Variants in GDAP2 observed in about 807,000 individuals in gnomAD.
The protein encoded by GDAP2 is ganglioside induced differentiation associated protein 2, also known as ganglioside-induced differentiation-associated protein 2.
A neutral mutation model predicts 67.0 loss-of-function variants in GDAP2; 51 were observed. The observed-to-expected ratio is 0.76, with a 90% CI of 0.61 to 0.96. The LOEUF is 0.96. Ranked by LOEUF, GDAP2 falls within the 40% of genes least tolerant of loss-of-function variation. GDAP2 has a pLI of 0.00. For missense variants in GDAP2, 547 were observed against 588.3 expected (o/e 0.93, Z 0.73); for synonymous variants, 203 against 207.3 (o/e 0.98, Z 0.18).
At position 117,886,558 on chromosome 1, in the gene GDAP2, G is replaced by C. The variant is rs1262889777; in HGVS notation, c.1107+19C>G. ...TTCAATCAACATTGTTTGTAAAACA[G>C]AGCCTTTTTATGGCTTACCTTGTCC... On this transcript the variant is annotated intron_variant, in intron 10 of 13. Coordinates refer to ENST00000369443, the MANE Select transcript of GDAP2 (RefSeq NM_017686.4). 1 of 1,273,368 alleles carries C rather than the reference G, an allele frequency of 7.9e-7. No individual in the cohort carries two copies. The highest frequency in any genetic ancestry group is 1.7e-5 in the Admixed American group (1 of 58,690). The allele number at this position is 1,273,368 out of a possible 1,614,324, so 78.9% of individuals were successfully genotyped here. A position where few individuals can be genotyped will look rare whatever the true frequency, so the allele number is the denominator to read the frequency against.
chr1:117,890,003 G>A (rs1484501352), intron 8 of GDAP2, among the ~76,000 whole-genome samples: 2 of 152,100 alleles, frequency 1.3e-5, no homozygotes, highest in East Asian at 1.9e-4. Context: ...TGAGTATTAT[G>A]TAAGGTATTT....
rs1372964691 is a variant in GDAP2, at chr1:117,868,938, TAA to T, written c.*1629_*1630del. The T allele has an allele frequency of 3.9e-5, 6 of 152,140 alleles. No homozygotes were observed. The allele number at this position is 152,140 out of a possible 1,614,324, so 9.4% of individuals were successfully genotyped here. ...GATAAGAACCTTTATCTAAAAAATG[TAA>T]AGTCTCTTCTTGTTTATATGGGAAA... is the stretch of plus-strand genomic sequence containing the variant. On this transcript the variant is annotated 3_prime_UTR_variant, in exon 14 of 14. Coordinates refer to ENST00000369443, the MANE Select transcript of GDAP2 (RefSeq NM_017686.4).
At chr1:117,926,145 G>A (rs1442938771) in intron 1 of GDAP2, among the ~76,000 whole-genome samples, 2 of 151,892 alleles carry the variant, frequency 1.3e-5, no homozygotes, top group Non-Finnish European at 2.9e-5. Context: ...AATTTGTTTT[G>A]TAGCTCTACT....
chr1:117,888,874 C>A (rs987090816), intron 8 of GDAP2, among the ~76,000 whole-genome samples: 5 of 152,058 alleles, frequency 3.3e-5, no homozygotes, highest in Non-Finnish European at 7.4e-5. Flanking sequence ...TACAATTGCA[C>A]AACTGAAAAT....
rs35307065 is a variant in GDAP2, at chr1:117,920,292, T to G, written c.66A>C (p.Ser22=). Residue 22 remains serine (S), a synonymous_variant, in exon 2 of 14, where the codon TCA becomes TCC. Coordinates refer to ENST00000369443, the MANE Select transcript of GDAP2 (RefSeq NM_017686.4). ...CAGAGGAATTTAATTCATCTTGGCA[T>G]GAGTCACCCCAGCTTGGTAGTGTAT... The part of the protein sequence containing the change: ...DVDTLPSWGD[S]CQDELNSSDT... 29 of 1,610,460 alleles carry G rather than the reference T, an allele frequency of 1.8e-5. No individual in the cohort carries two copies. In the Admixed American group the frequency reaches 4.8e-4, roughly 27 times the overall value.
chr1:117,929,248 G>C (rs1035689650), intron 1 of GDAP2, among the ~76,000 whole-genome samples, 200 bp downstream of exon 1: 5 of 152,202 alleles, frequency 3.3e-5, no homozygotes, highest in African/African-American at 1.2e-4. Flanking sequence ...ACTTCTCGTA[G>C]AGACGGCGTC....
intron 10 of GDAP2, 110 bp from the exon 11 acceptor site, chr1:117,883,737 G>T: frequency 1.5e-6 from 1 of 654,142 alleles, no homozygotes. Context: ...CCTACTCTAT[G>T]CCCTAGTCAT....
chr1:117,921,664 C>G (rs1431882691), intron 1 of GDAP2, among the ~76,000 whole-genome samples: 1 of 152,116 alleles, frequency 6.6e-6, no homozygotes, highest in Non-Finnish European at 1.5e-5. Context: ...TGTTTGTAAA[C>G]TATGGTAAGA....
At chr1:117,904,329 A>T (rs147256819) in intron 6 of GDAP2, among the ~76,000 whole-genome samples, 1 of 152,292 alleles carries the variant, frequency 6.6e-6, no homozygotes, top group African/African-American at 2.4e-5. Context: ...TCAGTCATTC[A>T]ACAGGAAGAA....
intron 10 of GDAP2, among the ~76,000 whole-genome samples, chr1:117,884,633 A>G (rs1042240723): frequency 2.0e-5 from 3 of 152,160 alleles, no homozygotes; most frequent in Non-Finnish European, 4.4e-5. Context: ...ACAGGAAATG[A>G]TACATCATGA....
Position 117,920,179 on chromosome 1 carries a change from T to G in GDAP2, c.176+3A>C. 1 of 1,557,886 alleles carries G rather than the reference T, an allele frequency of 6.4e-7. No homozygotes were observed. The highest frequency in any genetic ancestry group is 8.8e-7 in the Non-Finnish European group (1 of 1,134,210). ...TCATGATATGATGTAATCAAAAAAT[T>G]ACCAAAGAACCACTTTTCCATTGAC... On this transcript the variant is annotated splice_donor_region_variant and intron_variant, in intron 2 of 13. Coordinates refer to ENST00000369443, the MANE Select transcript of GDAP2 (RefSeq NM_017686.4).
chr1:117,913,725 G>A (rs1481247475), intron 3 of GDAP2, among the ~76,000 whole-genome samples: 2 of 152,026 alleles, frequency 1.3e-5, no homozygotes, highest in Non-Finnish European at 2.9e-5. Context: ...GACCCACCAG[G>A]CAATAACCGT....
intron 8 of GDAP2, among the ~76,000 whole-genome samples, chr1:117,892,605 C>G (rs1649122939): frequency 6.6e-6 from 1 of 151,944 alleles, no homozygotes; most frequent in Admixed American, 6.6e-5. Context: ...CAAAATATGT[C>G]AAAATGGCAG....
intron 13 of GDAP2, 44 bp downstream of exon 13, chr1:117,877,965 T>TAATATACCATACCAGGTGAGGGAGAA: frequency 6.2e-7 from 1 of 1,610,120 alleles, no homozygotes. Flanking sequence ...ATAGAACAGT[T>TAATATACCATACCAGGTGAGGGAGAA]AATATACCAT....
At chr1:117,911,682 A>G (rs546475716) in intron 5 of GDAP2, among the ~76,000 whole-genome samples, 7 of 152,248 alleles carry the variant, frequency 4.6e-5, no homozygotes, top group African/African-American at 1.7e-4. Context: ...CAACTTGCCA[A>G]TAAAAACTTC....
chr1:117,908,404 C>T (rs2101150500), intron 5 of GDAP2, among the ~76,000 whole-genome samples: 1 of 152,288 alleles, frequency 6.6e-6, no homozygotes, highest in African/African-American at 2.4e-5. Context: ...AAGAACCTAA[C>T]AGAGCAAACC....
chr1:117,916,588 T>C (rs1430665766), intron 3 of GDAP2, among the ~76,000 whole-genome samples: 1 of 152,152 alleles, frequency 6.6e-6, no homozygotes, highest in Non-Finnish European at 1.5e-5. Context: ...ATGGCTGTAG[T>C]CTAGGCAGGG....
At chr1:117,916,604 T>C (rs1247587497) in intron 3 of GDAP2, among the ~76,000 whole-genome samples, 2 of 152,084 alleles carry the variant, frequency 1.3e-5, no homozygotes, top group Non-Finnish European at 2.9e-5. Context: ...CAGGGAATGA[T>C]GGTTGCATAT....
At position 117,877,468 on chromosome 1, in the gene GDAP2, G is replaced by A. The variant is rs559437056; in HGVS notation, c.1446+541C>T. 60 of 972,738 alleles carry A rather than the reference G, an allele frequency of 6.2e-5. No homozygotes were observed. The Admixed American group carries it at 1.2e-3, about 19-fold the overall frequency. 60.3% of individuals were successfully genotyped at this position (972,738 alleles called of 1,614,324 possible). A position where few individuals can be genotyped will look rare whatever the true frequency, so the allele number is the denominator to read the frequency against. ...AATAGAATAAATTGATGAAATTCAC[G>A]AGTAGTCCTGTGACTAGTGCTTATG... is the stretch of plus-strand genomic sequence containing the variant. On this transcript the variant is annotated intron_variant, in intron 13 of 13. Transcript: ENST00000369443.
Sources: allele counts gnomAD v4.1 joint callset (sites outside exome capture counted in the v4.1 genomes callset), GRCh38; gene constraint gnomAD v4.1.1; transcripts MANE v1.5; gene names NCBI Gene and HGNC (gene_info 2026-07-23, HGNC 2026-07-21).